ZNF723: variants seen among roughly 807,000 people sequenced by gnomAD.
ZNF723 encodes the protein zinc finger protein 723.
In ZNF723, 5 loss-of-function variants were observed where a neutral mutation model predicts 9.4. The ratio of observed to expected loss-of-function variants is 0.53; its 90% CI spans 0.28 to 1.12. The LOEUF (loss-of-function observed/expected upper bound fraction) is 1.12, where lower values mean the gene tolerates loss of function less well. Ranked by LOEUF, ZNF723 falls within the 50% of genes most tolerant of loss-of-function variation. The pLI is 0.10. For synonymous variants in ZNF723, 158 were observed against 168.8 expected (o/e 0.94, Z 0.49); for missense variants, 450 against 501.5 (o/e 0.90, Z 0.98).
intron 1 of ZNF723, among the ~76,000 whole-genome samples, chr19:22,847,328 C>G (rs913449206): frequency 2.0e-5 from 3 of 151,472 alleles, no homozygotes; most frequent in Admixed American, 2.0e-4. Context: ...GGCAGCTGCT[C>G]TTTCTTAGAG....
chr19:22,814,375 A>T, the ZNF723 span, among the ~76,000 whole-genome samples: 9 of 152,302 alleles, frequency 5.9e-5, no homozygotes, highest in South Asian at 1.9e-3. Context: ...AACAGTAAAG[A>T]CTGTCATTCT....
the ZNF723 span, among the ~76,000 whole-genome samples, chr19:22,814,892 G>A: frequency 1.3e-5 from 2 of 152,128 alleles, no homozygotes; most frequent in Admixed American, 6.5e-5. Context: ...CCCAGGTGAA[G>A]TGACTTTCCT....
Position 22,858,144 on chromosome 19 carries a change from T to A in ZNF723, c.1253T>A (p.Ile418Asn), listed in dbSNP as rs1967509733. The change falls in exon 4 of 4, where the codon ATT becomes AAT. Residue 418 changes from isoleucine to asparagine, a missense_variant. Around this residue, in one of 5 missense-constraint regions of ZNF723, gnomAD observed 237 missense variants for 332.2 expected, o/e 0.71. Transcript: ENST00000600766. ...TCAGCCCTTACTACACATAAGATAA[T>A]TCATACTGGAGAAAGACCTTACAAA... is the stretch of plus-strand genomic sequence containing the variant. ...QSSALTTHKI[I>N]HTGERPYKCK... 10 of 1,429,654 alleles carry A rather than the reference T, an allele frequency of 7.0e-6. No individual in the cohort carries two copies. The South Asian group carries it at 9.2e-5, about 13-fold the overall frequency. 88.6% of individuals were successfully genotyped at this position (1,429,654 alleles called of 1,614,324 possible). A position where few individuals can be genotyped will look rare whatever the true frequency, so the allele number is the denominator to read the frequency against.
chr19:22,826,551 A>G, the ZNF723 span, among the ~76,000 whole-genome samples: 1 of 152,252 alleles, frequency 6.6e-6, no homozygotes, highest in Admixed American at 6.5e-5. Context: ...GGCAACAGTT[A>G]TAACTGTCAC....
At chr19:22,839,157 C>T (rs868624647) in intron 1 of ZNF723, among the ~76,000 whole-genome samples, 3 of 152,078 alleles carry the variant, frequency 2.0e-5, no homozygotes, top group Middle Eastern at 6.8e-3. Flanking sequence ...CATGAGCCAC[C>T]GCCCTTCTGT....
chr19:22,844,883 C>T (rs535564964), intron 1 of ZNF723, among the ~76,000 whole-genome samples: 7 of 152,122 alleles, frequency 4.6e-5, no homozygotes, highest in South Asian at 2.1e-4. Flanking sequence ...TTTGGGAGGC[C>T]GAGGCGGGTG....
At chr19:22,846,043 A>G (rs1245215070) in intron 1 of ZNF723, among the ~76,000 whole-genome samples, 1 of 150,558 alleles carries the variant, frequency 6.6e-6, no homozygotes, top group Non-Finnish European at 1.5e-5. Flanking sequence ...TGAAAATTTT[A>G]TTGATAGTCA....
chr19:22,853,749 G>C (rs1292356216), intron 3 of ZNF723, among the ~76,000 whole-genome samples: 1 of 152,062 alleles, frequency 6.6e-6, no homozygotes, highest in African/African-American at 2.4e-5. Flanking sequence ...CAAGTAGCTG[G>C]AATTGCAGGC....
chr19:22,824,476 A>AC, the ZNF723 span, among the ~76,000 whole-genome samples: 1 of 152,018 alleles, frequency 6.6e-6, no homozygotes, highest in Non-Finnish European at 1.5e-5. Flanking sequence ...CAATGATGAC[A>AC]CCCACAAACT....
At chr19:22,824,455 G>A in the ZNF723 span, among the ~76,000 whole-genome samples, 23,229 of 151,938 alleles carry the variant, frequency 0.15, 1,825 homozygotes, top group Non-Finnish European at 0.18. Flanking sequence ...CCTGGGACGT[G>A]GTCACTGGTA....
At chr19:22,833,922 C>A (rs539293082) in intron 1 of ZNF723, among the ~76,000 whole-genome samples, 1 of 127,008 alleles carries the variant, frequency 7.9e-6, no homozygotes, top group African/African-American at 3.0e-5. Flanking sequence ...TGTTTTTTAG[C>A]GTACTTTTTT....
intron 3 of ZNF723, among the ~76,000 whole-genome samples, chr19:22,851,488 A>G (rs928549914): frequency 6.6e-6 from 1 of 152,052 alleles, no homozygotes; most frequent in Admixed American, 6.6e-5. Flanking sequence ...CATTTTCATG[A>G]TGCTGTCCAG....
At chr19:22,847,089 T>C (rs1353032832) in intron 1 of ZNF723, among the ~76,000 whole-genome samples, 1 of 151,718 alleles carries the variant, frequency 6.6e-6, no homozygotes, top group Middle Eastern at 3.4e-3. Context: ...TTTATTATTA[T>C]TTTTGAGACA....
the ZNF723 span, among the ~76,000 whole-genome samples, chr19:22,813,833 A>G: frequency 6.8e-6 from 1 of 147,294 alleles, no homozygotes; most frequent in Non-Finnish European, 1.5e-5. Flanking sequence ...TTTTTTTGAG[A>G]TGGAGTGTTG....
upstream of ZNF723, chr19:22,832,178 G>A: frequency 2.0e-6 from 1 of 495,360 alleles, no homozygotes; most frequent in South Asian, 2.4e-5. Flanking sequence ...TGTCACTCCA[G>A]GCCTGAATGG....
chr19:22,858,089 G>A lies in ZNF723; in HGVS notation c.1198G>A (p.Glu400Lys). 1 of 1,501,320 alleles carries A rather than the reference G, an allele frequency of 6.7e-7. No homozygotes were observed. The highest frequency in any genetic ancestry group is 2.3e-5 in the East Asian group (1 of 44,296). The allele number at this position is 1,501,320 out of a possible 1,614,324, so 93.0% of individuals were successfully genotyped here. ...TACTGGAGAGAAACCCTACAAATGT[G>A]AAGAATGTGGCAAAGCCTTTAACCA... ...IHTGEKPYKC[E>K]ECGKAFNQSS... Residue 400 changes from glutamate (E) to lysine (K), a missense_variant, in exon 4 of 4, where the codon GAA (glutamate) becomes AAA (lysine). Transcript: ENST00000600766.
At chr19:22,815,777 A>G in the ZNF723 span, among the ~76,000 whole-genome samples, 2 of 152,098 alleles carry the variant, frequency 1.3e-5, no homozygotes, top group African/African-American at 4.8e-5. Context: ...TCTTTTACAT[A>G]TCATATAAAG....
In ZNF723 at chr19:22,833,610, A is replaced by AT. The variant is rs60761180; in HGVS notation, c.3+1238dup. Among the ~76,000 whole-genome samples, 1,134 of 150,140 alleles carry AT rather than the reference A, an allele frequency of 7.6e-3. 15 individuals carry two copies. Among genetic ancestry groups the AT allele is most frequent in the African/African-American group, 0.026 (1,055 of 41,034 alleles). On this transcript the variant is annotated intron_variant, in intron 1 of 3. Transcript: ENST00000600766. The stretch of plus-strand genomic sequence containing the variant: ...TTTTCCTCCGTAATAAAGATTATTA[A>AT]TTTTTTTTTTCTTTTTTGAAACAGA...
At chr19:22,845,739 G>T (rs973173113) in intron 1 of ZNF723, among the ~76,000 whole-genome samples, 1 of 152,096 alleles carries the variant, frequency 6.6e-6, no homozygotes, top group Non-Finnish European at 1.5e-5. Context: ...AGCGGGTCTT[G>T]GTACTTCTGC....
Sources: allele counts gnomAD v4.1 joint callset (sites outside exome capture counted in the v4.1 genomes callset), GRCh38; gene constraint gnomAD v4.1.1; regional missense constraint gnomAD v4.1.1; transcripts MANE v1.5; gene names NCBI Gene and HGNC (gene_info 2026-07-23, HGNC 2026-07-21).